Variants in SLC4A10 observed in about 807,000 individuals in gnomAD.
The protein encoded by SLC4A10 is solute carrier family 4 member 10.
In SLC4A10, 42 loss-of-function variants were observed where a neutral mutation model predicts 137.7. That is an observed-to-expected ratio of 0.30 (90% CI 0.24 to 0.39). SLC4A10 has a LOEUF of 0.39. Among genes scored for constraint, SLC4A10 ranks in the 10% least tolerant of loss-of-function variants. The pLI, the probability that SLC4A10 is intolerant of heterozygous loss-of-function variation, is 1.00. For missense variants in SLC4A10, 925 were observed against 1,355.0 expected (o/e 0.68, Z 4.98); for synonymous variants, 474 against 464.1 (o/e 1.02, Z -0.27).
chr2:161,813,889 A>G (rs1436276716), intron 3 of SLC4A10, among the ~76,000 whole-genome samples: 1 of 152,124 alleles, frequency 6.6e-6, no homozygotes, highest in Admixed American at 6.6e-5. Context: ...CTCAACCCGT[A>G]CACCAACCAG....
chr2:161,643,898 T>C (rs193191417), intron 1 of SLC4A10, among the ~76,000 whole-genome samples: 2 of 152,230 alleles, frequency 1.3e-5, no homozygotes, highest in Non-Finnish European at 2.9e-5. Flanking sequence ...GGATTCAAAA[T>C]AAGAGAGATG....
intron 15 of SLC4A10, among the ~76,000 whole-genome samples, chr2:161,910,053 A>G (rs1163407862): frequency 6.6e-6 from 1 of 152,194 alleles, no homozygotes; most frequent in Non-Finnish European, 1.5e-5. Flanking sequence ...CTGAGATTGC[A>G]ACCTTTGCAA....
chr2:161,692,789 A>C (rs2042123908), intron 1 of SLC4A10, among the ~76,000 whole-genome samples: 1 of 152,074 alleles, frequency 6.6e-6, no homozygotes, highest in African/African-American at 2.4e-5. Flanking sequence ...CAGATGTTTA[A>C]ATTTTAACTA....
At chr2:161,784,820 C>A (rs1339686192) in intron 2 of SLC4A10, among the ~76,000 whole-genome samples, 5 of 150,308 alleles carry the variant, frequency 3.3e-5, no homozygotes, top group Admixed American at 1.3e-4. Context: ...AATTTGCAAC[C>A]TAATTATACA....
intron 17 of SLC4A10, among the ~76,000 whole-genome samples, chr2:161,948,473 A>G (rs1348732522): frequency 6.6e-6 from 1 of 152,152 alleles, no homozygotes; most frequent in Non-Finnish European, 1.5e-5. Context: ...CATTTTTCTA[A>G]GCTGAAACAA....
At chr2:161,972,527 GACAAGGAGA>G (rs912231010) in intron 23 of SLC4A10, among the ~76,000 whole-genome samples, 1 of 152,114 alleles carries the variant, frequency 6.6e-6, no homozygotes, top group African/African-American at 2.4e-5. Context: ...GTGGCCAAGT[GACAAGGAGA>G]ATAGGCATAA....
rs1231433957 is a variant in SLC4A10 at position 161,984,555 on chromosome 2, A to G, written c.*1403A>G. The G allele has an allele frequency of 1.3e-5, 2 of 152,156 alleles. No homozygotes were observed. Among genetic ancestry groups the G allele is most frequent in the Non-Finnish European group, 2.9e-5 (2 of 67,990 alleles). The allele number at this position is 152,156 out of a possible 1,614,324, so 9.4% of individuals were successfully genotyped here. A position where few individuals can be genotyped will look rare whatever the true frequency, so the allele number is the denominator to read the frequency against. On this transcript the variant is annotated 3_prime_UTR_variant, in exon 27 of 27. Coordinates refer to ENST00000446997, the MANE Select transcript of SLC4A10 (RefSeq NM_001178015.2). ...TAATTATGTACTCTGTTGGAAGTGC[A>G]CATGAAAAGTGAAGAAAAGTTCCTC... is the stretch of plus-strand genomic sequence containing the variant.
At chr2:161,837,481 G>A (rs1256535714) in intron 3 of SLC4A10, among the ~76,000 whole-genome samples, 1 of 152,104 alleles carries the variant, frequency 6.6e-6, no homozygotes, top group Admixed American at 6.5e-5. Flanking sequence ...AGTTTCCATG[G>A]GTTGGAAAAA....
intron 17 of SLC4A10, among the ~76,000 whole-genome samples, chr2:161,948,763 A>G (rs1029933649): frequency 6.6e-6 from 1 of 152,130 alleles, no homozygotes; most frequent in Non-Finnish European, 1.5e-5. Flanking sequence ...TTATCATATT[A>G]AAGTGTTACC....
chr2:161,894,309 C>T (rs1316285845), intron 10 of SLC4A10, among the ~76,000 whole-genome samples: 3 of 151,886 alleles, frequency 2.0e-5, no homozygotes, highest in African/African-American at 7.3e-5. Flanking sequence ...CTGAAATTTC[C>T]AACACATTTT....
chr2:161,848,367 A>G (rs1575265078), intron 4 of SLC4A10, among the ~76,000 whole-genome samples: 1 of 152,082 alleles, frequency 6.6e-6, no homozygotes, highest in Admixed American at 6.6e-5. Flanking sequence ...TACTGTGCAA[A>G]AGCTCTTTAG....
rs563391327 is a variant in SLC4A10 at position 161,942,699 on chromosome 2, G to A, written c.1998-93G>A. ...CTTGTCTGTCAAATAGAGGAATGCTGTGACTGGAGAAAATGGAGCCGTTAT... is the reference window on the plus strand; with the variant it reads ...CTTGTCTGTCAAATAGAGGAATGCTATGACTGGAGAAAATGGAGCCGTTAT... On this transcript the variant is annotated intron_variant, in intron 15 of 26. Transcript: ENST00000446997. 199 of 903,318 alleles carry A rather than the reference G, an allele frequency of 2.2e-4. 1 individual carries two copies. In the South Asian group the frequency reaches 2.7e-3, roughly 12 times the overall value. 56.0% of individuals were successfully genotyped at this position (903,318 alleles called of 1,614,324 possible). A position where few individuals can be genotyped will look rare whatever the true frequency, so the allele number is the denominator to read the frequency against.
At chr2:161,966,477 C>T (rs577514572) in intron 23 of SLC4A10, among the ~76,000 whole-genome samples, 8 of 151,966 alleles carry the variant, frequency 5.3e-5, no homozygotes, top group Non-Finnish European at 7.4e-5. Flanking sequence ...TTGAGTCAGG[C>T]GCAGTGGCTC....
intron 15 of SLC4A10, among the ~76,000 whole-genome samples, chr2:161,933,211 CTTTCT>C (rs1481326534): frequency 8.3e-6 from 1 of 120,136 alleles, no homozygotes; most frequent in Non-Finnish European, 1.8e-5. Context: ...TTCTTTCTTT[CTTTCT>C]TTCTTTCTTT....
At chr2:161,876,779 C>T (rs936107624) in intron 8 of SLC4A10, among the ~76,000 whole-genome samples, 3 of 151,672 alleles carry the variant, frequency 2.0e-5, no homozygotes, top group East Asian at 1.9e-4. Context: ...GGTTGCCCCA[C>T]GAATAATATA....
chr2:161,875,449 C>T (rs944636030), intron 8 of SLC4A10, among the ~76,000 whole-genome samples: 1 of 152,254 alleles, frequency 6.6e-6, no homozygotes. Flanking sequence ...CATATTTATT[C>T]CATCTACATT....
chr2:161,847,107 A>T (rs566381025), intron 4 of SLC4A10, among the ~76,000 whole-genome samples: 2 of 151,290 alleles, frequency 1.3e-5, no homozygotes, highest in South Asian at 4.2e-4. Context: ...AGCCAGACAT[A>T]GTACCTGGCT....
chr2:161,941,691 G>A lies in SLC4A10; in HGVS notation c.1998-1101G>A, dbSNP rs150013991. On this transcript the variant is annotated intron_variant, in intron 15 of 26. Transcript: ENST00000446997. Reference sequence around the variant, plus strand: ...GAAACTACAAAAAGCAAGGGGCAGCGTAACATGGTTGGTTGAAATCAGCCA... The same window carrying A: ...GAAACTACAAAAAGCAAGGGGCAGCATAACATGGTTGGTTGAAATCAGCCA... Among the ~76,000 whole-genome samples the A allele has an allele frequency of 3.0e-3, 461 of 152,214 alleles. 3 individuals are homozygous for A. The highest frequency in any genetic ancestry group is 0.01 in the African/African-American group (428 of 41,528).
intron 1 of SLC4A10, among the ~76,000 whole-genome samples, chr2:161,754,552 A>C (rs1429031024): frequency 6.6e-6 from 1 of 152,162 alleles, no homozygotes; most frequent in South Asian, 2.1e-4. Context: ...CATTTACTTG[A>C]TAGGACAGTG....
Sources: gnomAD v4.1 joint callset for allele counts (sites outside exome capture counted in the v4.1 genomes callset) on GRCh38, gnomAD v4.1.1 for gene constraint, MANE v1.5 for transcripts, NCBI Gene and HGNC (gene_info 2026-07-23, HGNC 2026-07-21) for gene names.